Variants in DAB2IP observed in about 807,000 individuals in gnomAD.
DAB2IP encodes the protein disabled homolog 2-interacting protein.
Under a neutral mutation model 107.2 loss-of-function variants are expected in DAB2IP, and 28 were observed. The observed-to-expected ratio is 0.26, with a 90% CI of 0.19 to 0.36. The LOEUF (loss-of-function observed/expected upper bound fraction) is 0.36. Among genes scored for constraint, DAB2IP ranks in the 10% least tolerant of loss-of-function variants. The pLI is 1.00. For missense variants in DAB2IP, 1,400 were observed against 1,644.7 expected (o/e 0.85, Z 2.57); for synonymous variants, 755 against 706.4 (o/e 1.07, Z -1.09).
intron 2 of DAB2IP, among the ~76,000 whole-genome samples, chr9:121,685,678 T>A (rs1828839853): frequency 6.6e-6 from 1 of 152,242 alleles, no homozygotes; most frequent in African/African-American, 2.4e-5. Flanking sequence ...TTTCGATAAA[T>A]TTGCCATCAT....
At chr9:121,716,249 C>T (rs1229600187) in intron 3 of DAB2IP, among the ~76,000 whole-genome samples, 1 of 152,230 alleles carries the variant, frequency 6.6e-6, no homozygotes, top group Non-Finnish European at 1.5e-5. Context: ...GGATGTAACA[C>T]TGCCTGCTGC....
Position 121,750,728 on chromosome 9 carries a change from G to C in DAB2IP, c.363-6285G>C, listed in dbSNP as rs142092903. ...GGGATTTTTAATTACTGTAAGTTTC[G>C]GTTTGGGGTCCTTTCCCTCCTTGGA... On this transcript the variant is annotated intron_variant, in intron 3 of 15. Transcript: ENST00000408936. Among the ~76,000 whole-genome samples, 17 of 152,300 alleles carry C rather than the reference G, an allele frequency of 1.1e-4. No individual in the cohort carries two copies. In the East Asian group the frequency reaches 3.3e-3, roughly 29 times the overall value.
chr9:121,685,897 G>A (rs564893511), intron 2 of DAB2IP, among the ~76,000 whole-genome samples: 4 of 152,344 alleles, frequency 2.6e-5, no homozygotes, highest in African/African-American at 4.8e-5. Context: ...CAGTTTGGGG[G>A]CTGAAATGTG....
At chr9:121,723,466 C>T (rs1231329582) in intron 3 of DAB2IP, among the ~76,000 whole-genome samples, 2 of 152,186 alleles carry the variant, frequency 1.3e-5, no homozygotes, top group Non-Finnish European at 2.9e-5. Context: ...TCAGGTTCTC[C>T]CTGCTGCTCA....
At chr9:121,667,420 CTA>C (rs759782934) in intron 1 of DAB2IP, among the ~76,000 whole-genome samples, 5 of 152,294 alleles carry the variant, frequency 3.3e-5, no homozygotes, top group Non-Finnish European at 5.9e-5. Context: ...CACGTGGGAG[CTA>C]TGTTTCCCCA....
chr9:121,579,581 C>T (rs915154574), intron 1 of DAB2IP, among the ~76,000 whole-genome samples: 1 of 152,148 alleles, frequency 6.6e-6, no homozygotes, highest in Non-Finnish European at 1.5e-5. Context: ...ACCACCCAGA[C>T]CAGGGGACCT....
At chr9:121,672,619 T>C (rs914727638) in intron 1 of DAB2IP, among the ~76,000 whole-genome samples, 1 of 152,182 alleles carries the variant, frequency 6.6e-6, no homozygotes, top group African/African-American at 2.4e-5. Flanking sequence ...GGAAAGGGGA[T>C]CCAGGATCAG....
At position 121,702,749 on chromosome 9, in the gene DAB2IP, T is replaced by G. The variant is rs1435502711; in HGVS notation, c.362+3291T>G. On this transcript the variant is annotated intron_variant, in intron 3 of 15. Coordinates refer to ENST00000408936, the Ensembl canonical transcript of DAB2IP. The surrounding 1 kb of genome is among the most constrained non-coding windows in gnomAD (Gnocchi z 4.5). ...GATAATTTCCAAGTCATTCATTTAT[T>G]TATTAATGTTACTGAGGAGCTAGGA... 6.6e-6 allele frequency among the ~76,000 whole-genome samples: 1 copy of G among 152,216 alleles called. No individual in the cohort carries two copies. Among genetic ancestry groups the G allele is most frequent in the Non-Finnish European group, 1.5e-5 (1 of 68,038 alleles).
At chr9:121,666,982 A>G (rs1240122400) in intron 1 of DAB2IP, among the ~76,000 whole-genome samples, 4 of 151,820 alleles carry the variant, frequency 2.6e-5, no homozygotes, top group African/African-American at 9.7e-5. Flanking sequence ...AGTTCTAACA[A>G]TCTGAAGATT....
At chr9:121,746,325 G>A (rs1045232790) in intron 3 of DAB2IP, among the ~76,000 whole-genome samples, 1 of 152,208 alleles carries the variant, frequency 6.6e-6, no homozygotes, top group Non-Finnish European at 1.5e-5. Flanking sequence ...ACAGCCAAAG[G>A]TGGTGGTGTC....
At position 121,634,547 on chromosome 9, in the gene DAB2IP, G is replaced by A. The variant is rs974273717; in HGVS notation, c.41-44131G>A. On this transcript the variant is annotated intron_variant, in intron 1 of 16. Transcript: ENST00000259371. The surrounding 1 kb of genome is among the most constrained non-coding windows in gnomAD (Gnocchi z 4.7). ...CACAAGCCTGGGCAGGTGCAGCCTCGGTGCGCAGTTTGGAAGGGGTGACGC... is the reference window on the plus strand; with the variant it reads ...CACAAGCCTGGGCAGGTGCAGCCTCAGTGCGCAGTTTGGAAGGGGTGACGC... Among the ~76,000 whole-genome samples the A allele has an allele frequency of 1.3e-5, 2 of 152,076 alleles. No individual in the cohort carries two copies. The highest frequency in any genetic ancestry group is 2.9e-5 in the Non-Finnish European group (2 of 68,036).
rs939088281 is a variant in DAB2IP at position 121,699,269 on chromosome 9, C to G, written c.229-56C>G. 6.3e-6 allele frequency: 8 copies of G among 1,260,222 alleles called. No individual in the cohort carries two copies. In the Admixed American group the frequency reaches 2.5e-4, roughly 40 times the overall value. The allele number at this position is 1,260,222 out of a possible 1,614,324, so 78.1% of individuals were successfully genotyped here. A position where few individuals can be genotyped will look rare whatever the true frequency, so the allele number is the denominator to read the frequency against. On this transcript the variant is annotated intron_variant, in intron 2 of 15. Transcript: ENST00000408936. The surrounding 1 kb of genome is among the most constrained non-coding windows in gnomAD (Gnocchi z 6.2). ...TGCGGGTCCCGCGCGGGTCCCGGCC[C>G]GCCGCCGCCGCGCTAACCCCGCCTC...
chr9:121,579,538 C>G (rs569523724), intron 1 of DAB2IP, among the ~76,000 whole-genome samples: 2 of 152,258 alleles, frequency 1.3e-5, no homozygotes, highest in African/African-American at 2.4e-5. Context: ...CACACCTTTG[C>G]CAGCCCCTAC....
At chr9:121,624,569 CTG>C (rs1351480927) in intron 1 of DAB2IP, among the ~76,000 whole-genome samples, 1 of 152,334 alleles carries the variant, frequency 6.6e-6, no homozygotes, top group East Asian at 1.9e-4. Context: ...CTGTATTTTT[CTG>C]TGTTTACATA....
chr9:121,736,194 G>A lies in DAB2IP; in HGVS notation c.363-20819G>A, dbSNP rs1831893315. On this transcript the variant is annotated intron_variant, in intron 3 of 15. Transcript: ENST00000408936. The surrounding 1 kb of genome is among the most constrained non-coding windows in gnomAD (Gnocchi z 4.6). ...TGTTAAAATGTTGGAATGGAAATGT[G>A]GGGAAGGGAGAGCGTTTGCCTTGGT... 6.6e-6 allele frequency among the ~76,000 whole-genome samples: 1 copy of A among 152,218 alleles called. No homozygotes were observed. The highest frequency in any genetic ancestry group is 2.4e-5 in the African/African-American group (1 of 41,462).
chr9:121,703,766 A>G (rs2118750344), intron 3 of DAB2IP, among the ~76,000 whole-genome samples: 1 of 152,326 alleles, frequency 6.6e-6, no homozygotes, highest in East Asian at 1.9e-4. Flanking sequence ...GGTAGGGTTA[A>G]GTCACCTCGT....
At chr9:121,735,986 T>G (rs1831873394) in intron 3 of DAB2IP, among the ~76,000 whole-genome samples, 1 of 152,208 alleles carries the variant, frequency 6.6e-6, no homozygotes, top group South Asian at 2.1e-4. Context: ...GCACCCGACC[T>G]TTCCCTTCTG....
At position 121,691,475 on chromosome 9, in the gene DAB2IP, C is replaced by A. The variant is rs553744749; in HGVS notation, c.229-7850C>A. Among the ~76,000 whole-genome samples, 55 of 150,084 alleles carry A rather than the reference C, an allele frequency of 3.7e-4. 1 individual carries two copies. The highest frequency in any genetic ancestry group is 2.0e-3 in the Admixed American group (30 of 15,046). ...GGAAGTGATAGCAGTGAGCCGAGAT[C>A]GCGCCACTGCACTCCAGCCTGAGGA... On this transcript the variant is annotated intron_variant, in intron 2 of 15. Transcript: ENST00000408936.
In DAB2IP at chr9:121,699,417, G is replaced by T. The variant is rs762153367; in HGVS notation, c.321G>T (p.Pro107=). ...ACCACAGCTTCCGCCACATCCTGCC[G>T]GGGTTCCGGAGCGCCGCCGCCGCCG... Residue 107 remains proline (P), a synonymous_variant, in exon 3 of 16, where the codon CCG becomes CCT. Coordinates refer to ENST00000408936, the Ensembl canonical transcript of DAB2IP. This position sits in a 1 kb window ranked among gnomAD's most constrained non-coding sequence, Gnocchi z 6.2. 3 of 1,466,444 alleles carry T rather than the reference G, an allele frequency of 2.0e-6. No individual in the cohort carries two copies. The highest frequency in any genetic ancestry group is 2.7e-6 in the Non-Finnish European group (3 of 1,098,782). The allele number at this position is 1,466,444 out of a possible 1,614,324, so 90.8% of individuals were successfully genotyped here. A position where few individuals can be genotyped will look rare whatever the true frequency, so the allele number is the denominator to read the frequency against.
Sources: gnomAD v4.1 joint callset for allele counts (sites outside exome capture counted in the v4.1 genomes callset) on GRCh38, gnomAD v4.1.1 for gene constraint, Gnocchi (gnomAD v3.1) non-coding constraint, MANE v1.5 for transcripts, NCBI Gene and HGNC (gene_info 2026-07-23, HGNC 2026-07-21) for gene names.